HYDIN: variants seen among roughly 807,000 people sequenced by gnomAD.
The protein encoded by HYDIN is axonemal central pair apparatus protein HYDIN.
A neutral mutation model predicts 403.9 loss-of-function variants in HYDIN; 132 were observed. The ratio of observed to expected loss-of-function variants is 0.33; its 90% CI spans 0.28 to 0.38. The LOEUF (loss-of-function observed/expected upper bound fraction) is 0.38, where lower values mean the gene tolerates loss of function less well. Among genes scored for constraint, HYDIN ranks in the 10% least tolerant of loss-of-function variants. HYDIN has a pLI of 1.00. For synonymous variants in HYDIN, 1,202 were observed against 1,891.7 expected, an observed-to-expected ratio of 0.64 and a Z score of 9.46; for missense variants, 2,827 against 5,009.5, an observed-to-expected ratio of 0.56 and a Z score of 13.15.
intron 29 of HYDIN, among the ~76,000 whole-genome samples, chr16:70,979,262 C>T (rs540874383): frequency 7.1e-6 from 1 of 140,608 alleles, no homozygotes; most frequent in Non-Finnish European, 1.5e-5. Context: ...TGAGATTGTG[C>T]TTTAGTGAAG....
At chr16:71,029,655 T>C (rs1398204218) in intron 19 of HYDIN, among the ~76,000 whole-genome samples, 11 of 133,188 alleles carry the variant, frequency 8.3e-5, no homozygotes, top group African/African-American at 1.2e-4. Context: ...ACAATTCTTA[T>C]ATTTAGTCGA....
rs2035247195 is a variant in HYDIN, at chr16:70,808,501, T to C, written c.14884-439A>G. ...ATTGCCAATTTAACTCCTGTCAGGGTCCTTTCACCACTCTAATACTGTACT... is the reference window on the plus strand; with the variant it reads ...ATTGCCAATTTAACTCCTGTCAGGGCCCTTTCACCACTCTAATACTGTACT... On this transcript the variant is annotated intron_variant, in intron 85 of 85. Coordinates refer to ENST00000393567, the MANE Select transcript of HYDIN (RefSeq NM_001270974.2). Among the ~76,000 whole-genome samples the C allele has an allele frequency of 2.6e-5, 4 of 152,170 alleles. No individual in the cohort carries two copies. The South Asian group carries it at 8.3e-4, about 32-fold the overall frequency.
At chr16:70,916,589 G>T (rs917207158) in intron 47 of HYDIN, among the ~76,000 whole-genome samples, 2 of 152,104 alleles carry the variant, frequency 1.3e-5, no homozygotes, top group Admixed American at 6.6e-5. Flanking sequence ...AGTTGTTCTG[G>T]AGCTAAAATT....
At chr16:71,082,566 T>C (rs2144346940) in intron 12 of HYDIN, among the ~76,000 whole-genome samples, 1 of 151,646 alleles carries the variant, frequency 6.6e-6, no homozygotes, top group Admixed American at 6.6e-5. Context: ...AATGGAAATG[T>C]CCAGAAGATA....
At chr16:71,209,250 C>A (rs2088459921) in intron 1 of HYDIN, among the ~76,000 whole-genome samples, 1 of 150,554 alleles carries the variant, frequency 6.6e-6, no homozygotes, top group Non-Finnish European at 1.5e-5. Context: ...ATATGCAAAT[C>A]AATAAATGTG....
At chr16:71,197,113 A>G (rs2087733463) in intron 1 of HYDIN, among the ~76,000 whole-genome samples, 1 of 152,266 alleles carries the variant, frequency 6.6e-6, no homozygotes, top group East Asian at 1.9e-4. Flanking sequence ...TTCCAAAAAC[A>G]TATTGTGGGA....
chr16:70,881,480 T>C (rs1341487738), intron 60 of HYDIN, among the ~76,000 whole-genome samples: 15 of 144,182 alleles, frequency 1.0e-4, no homozygotes, highest in Non-Finnish European at 2.1e-4. Context: ...TGGTGGTGGG[T>C]GCCTGTAGTC....
rs576923750 is a variant in HYDIN, at chr16:70,894,300, A to G, written c.9248+149T>C. ...TTCTTATGATTTCCTTGACTGACTG[A>G]TAAGTTTCCCAGACACGCTATTCCC... On this transcript the variant is annotated intron_variant, in intron 55 of 85. Transcript: ENST00000393567. 4.2e-5 allele frequency: 31 copies of G among 737,496 alleles called. No homozygotes were observed. In the East Asian group the frequency reaches 7.0e-4, roughly 17 times the overall value. 45.7% of individuals were successfully genotyped at this position (737,496 alleles called of 1,614,324 possible).
At chr16:71,033,219 C>T (rs1414013640) in intron 18 of HYDIN, among the ~76,000 whole-genome samples, 1 of 152,192 alleles carries the variant, frequency 6.6e-6, no homozygotes, top group Non-Finnish European at 1.5e-5. Flanking sequence ...GAAACTACTT[C>T]AGGGGAATCT....
At chr16:71,130,948 T>C (rs1370173603) in intron 8 of HYDIN, among the ~76,000 whole-genome samples, 7 of 134,098 alleles carry the variant, frequency 5.2e-5, no homozygotes, top group Admixed American at 2.3e-4. Flanking sequence ...AATCCACTCA[T>C]TGCCCCCACC....
intron 30 of HYDIN, among the ~76,000 whole-genome samples, chr16:70,977,023 G>C (rs2078907359): frequency 6.6e-6 from 1 of 152,182 alleles, no homozygotes; most frequent in African/African-American, 2.4e-5. Flanking sequence ...GCCATGAGTG[G>C]TCCACTCTGC....
chr16:70,892,304 A>T, intron 56 of HYDIN, 57 bp downstream of exon 56: 1 of 1,559,060 alleles, frequency 6.4e-7, no homozygotes, highest in African/African-American at 1.4e-5. Context: ...CCTTCTTTGC[A>T]ACAGGAGTCG....
intron 41 of HYDIN, among the ~76,000 whole-genome samples, chr16:70,946,346 A>G (rs928627131): frequency 1.4e-5 from 2 of 146,270 alleles, no homozygotes; most frequent in Non-Finnish European, 3.0e-5. Flanking sequence ...TTTGGAGGCT[A>G]GGAGAGTGAT....
chr16:71,192,038 T>TA (rs1273680407), intron 1 of HYDIN, among the ~76,000 whole-genome samples: 5 of 152,174 alleles, frequency 3.3e-5, no homozygotes, highest in Non-Finnish European at 7.4e-5. Flanking sequence ...ATGAAGGTAT[T>TA]ATTACCCTTC....
At chr16:70,942,566 A>G (rs1597378138) in intron 42 of HYDIN, among the ~76,000 whole-genome samples, 1 of 152,268 alleles carries the variant, frequency 6.6e-6, no homozygotes, top group Non-Finnish European at 1.5e-5. Context: ...CCATTGAAGA[A>G]CAGCCTCTGC....
intron 23 of HYDIN, among the ~76,000 whole-genome samples, chr16:71,007,475 A>C (rs2079925447): frequency 6.6e-6 from 1 of 152,148 alleles, no homozygotes; most frequent in South Asian, 2.1e-4. Flanking sequence ...CAGTGGTTAA[A>C]ACAGGGGCTT....
intron 8 of HYDIN, among the ~76,000 whole-genome samples, chr16:71,134,047 G>A (rs889462740): frequency 2.6e-5 from 4 of 151,970 alleles, no homozygotes; most frequent in Admixed American, 6.6e-5. Flanking sequence ...TGAGGTAGGT[G>A]TGGAGGAAGG....
At chr16:71,189,697 G>C (rs2087327652) in intron 1 of HYDIN, among the ~76,000 whole-genome samples, 1 of 151,264 alleles carries the variant, frequency 6.6e-6, no homozygotes. Context: ...AACCTGAGGA[G>C]TGGAGGTTGC....
At chr16:71,074,054 C>T (rs138971296) in intron 13 of HYDIN, among the ~76,000 whole-genome samples, 5 of 152,288 alleles carry the variant, frequency 3.3e-5, no homozygotes, top group South Asian at 2.1e-4. Context: ...CAAATAAATG[C>T]CACATCTCCA....
Sources: allele counts gnomAD v4.1 joint callset (sites outside exome capture counted in the v4.1 genomes callset), GRCh38; gene constraint gnomAD v4.1.1; transcripts MANE v1.5; gene names NCBI Gene and HGNC (gene_info 2026-07-23, HGNC 2026-07-21).